MRPL22: variants seen among roughly 807,000 people sequenced by gnomAD.
MRPL22 encodes large ribosomal subunit protein uL22m.
Under a neutral mutation model 32.4 loss-of-function variants are expected in MRPL22, and 27 were observed. That is an observed-to-expected ratio of 0.83 (90% CI 0.61 to 1.15). MRPL22 has a LOEUF of 1.15. MRPL22 is among the 50% of genes most tolerant of loss of function. MRPL22 has a pLI of 0.00. For synonymous variants in MRPL22, 86 were observed against 87.3 expected (o/e 0.99, Z 0.08); for missense variants, 239 against 260.2 (o/e 0.92, Z 0.56).
intron 2 of MRPL22, among the ~76,000 whole-genome samples, chr5:154,945,932 A>T (rs567522908): frequency 1.1e-4 from 16 of 152,344 alleles, no homozygotes; most frequent in Non-Finnish European, 2.1e-4. Context: ...CTAAATTAAG[A>T]ACCCCATTTG....
intron 2 of MRPL22, among the ~76,000 whole-genome samples, chr5:154,946,177 GA>G (rs1764488367): frequency 6.6e-6 from 1 of 152,166 alleles, no homozygotes; most frequent in South Asian, 2.1e-4. Context: ...CCTGACTCAA[GA>G]AATCTTTCAG....
chr5:154,947,660 T>G (rs1374738313), intron 2 of MRPL22, among the ~76,000 whole-genome samples: 5 of 152,234 alleles, frequency 3.3e-5, no homozygotes, highest in African/African-American at 4.8e-5. Flanking sequence ...GTACCAGACA[T>G]TGTTCTTGGT....
rs1413496682 is a variant in MRPL22 at position 154,966,902 on chromosome 5, G to A, written c.*5G>A. On this transcript the variant is annotated 3_prime_UTR_variant, in exon 7 of 7. Coordinates refer to ENST00000523037, the MANE Select transcript of MRPL22 (RefSeq NM_014180.4). ...ACCATCGTTCACACTCTATGATGAG[G>A]AGATTCAGACTCCACAGTGTATATA... 4.4e-6 allele frequency: 7 copies of A among 1,607,606 alleles called. No individual in the cohort carries two copies. Among genetic ancestry groups the A allele is most frequent in the Non-Finnish European group, 5.9e-6 (7 of 1,176,542 alleles).
At chr5:154,954,917 G>A (rs1764611930) in intron 3 of MRPL22, among the ~76,000 whole-genome samples, 2 of 151,872 alleles carry the variant, frequency 1.3e-5, no homozygotes, top group Non-Finnish European at 2.9e-5. Context: ...TCAGCCTCCC[G>A]GGTAGCTGGG....
intron 5 of MRPL22, chr5:154,959,045 T>C (rs992011364): frequency 6.6e-6 from 1 of 152,240 alleles, no homozygotes; most frequent in African/African-American, 2.4e-5. Context: ...ATTTTTGTTT[T>C]TTTAGAGGCA....
At chr5:154,943,155 T>C (rs890249478) in intron 2 of MRPL22, among the ~76,000 whole-genome samples, 3 of 152,150 alleles carry the variant, frequency 2.0e-5, no homozygotes, top group African/African-American at 7.2e-5. Flanking sequence ...CCTTTTTTTT[T>C]TGGAGACACG....
intron 3 of MRPL22, among the ~76,000 whole-genome samples, chr5:154,951,984 G>A (rs990986416): frequency 6.0e-5 from 9 of 149,996 alleles, no homozygotes; most frequent in African/African-American, 2.0e-4. Context: ...CCGGGTTCAC[G>A]CCATTCTCCT....
At chr5:154,942,905 G>C (rs1220168132) in intron 2 of MRPL22, among the ~76,000 whole-genome samples, 1 of 152,172 alleles carries the variant, frequency 6.6e-6, no homozygotes, top group Non-Finnish European at 1.5e-5. Context: ...AGAAACTTAA[G>C]CAGTTTGCCT....
At chr5:154,947,470 G>A (rs527551484) in intron 2 of MRPL22, among the ~76,000 whole-genome samples, 1 of 152,190 alleles carries the variant, frequency 6.6e-6, no homozygotes, top group South Asian at 2.1e-4. Context: ...GTGAACTTGG[G>A]GTAAAAATGA....
At chr5:154,941,179 G>A (rs759022074) in intron 1 of MRPL22, 38 bp from the exon 2 acceptor site, 2 of 1,614,158 alleles carry the variant, frequency 1.2e-6, no homozygotes, top group Non-Finnish European at 1.7e-6. Flanking sequence ...AGGGAGTCGA[G>A]ATGGAATCTG....
intron 2 of MRPL22, among the ~76,000 whole-genome samples, chr5:154,948,790 G>GA (rs1764524481): frequency 6.6e-6 from 1 of 152,174 alleles, no homozygotes; most frequent in Admixed American, 6.5e-5. Flanking sequence ...GGAAAGACAG[G>GA]ATAAGTCTTG....
At chr5:154,950,746 G>A in intron 2 of MRPL22, 75 bp from the exon 3 acceptor site, 2 of 937,672 alleles carry the variant, frequency 2.1e-6, no homozygotes, top group South Asian at 2.7e-5. Context: ...AGCTGAAGTG[G>A]TTCAAAAGAT....
intron 2 of MRPL22, among the ~76,000 whole-genome samples, chr5:154,947,662 G>T (rs900638166): frequency 2.6e-5 from 4 of 152,192 alleles, no homozygotes; most frequent in African/African-American, 9.7e-5. Flanking sequence ...ACCAGACATT[G>T]TTCTTGGTGC....
chr5:154,952,384 A>G (rs186132537), intron 3 of MRPL22, among the ~76,000 whole-genome samples: 1 of 152,350 alleles, frequency 6.6e-6, no homozygotes, highest in African/African-American at 2.4e-5. Context: ...GAACACTATC[A>G]ATACAGTAAT....
intron 2 of MRPL22, among the ~76,000 whole-genome samples, chr5:154,946,969 T>C (rs1186794672): frequency 6.6e-6 from 1 of 152,182 alleles, no homozygotes; most frequent in Non-Finnish European, 1.5e-5. Context: ...AAGGGCCTAA[T>C]TTAAAAATAA....
chr5:154,946,718 G>A (rs1399203098), intron 2 of MRPL22, among the ~76,000 whole-genome samples: 2 of 152,228 alleles, frequency 1.3e-5, no homozygotes, highest in Non-Finnish European at 2.9e-5. Flanking sequence ...CTACTTGGGA[G>A]GCTGAGGCAG....
intron 6 of MRPL22, among the ~76,000 whole-genome samples, chr5:154,964,302 T>C (rs1764739882): frequency 6.6e-6 from 1 of 152,116 alleles, no homozygotes; most frequent in Non-Finnish European, 1.5e-5. Context: ...AATGGCAGAG[T>C]TTTGGGTCTT....
At chr5:154,945,768 C>A (rs1414025535) in intron 2 of MRPL22, among the ~76,000 whole-genome samples, 1 of 152,174 alleles carries the variant, frequency 6.6e-6, no homozygotes, top group African/African-American at 2.4e-5. Flanking sequence ...ACCAGAGATA[C>A]TTAGGTCACT....
chr5:154,942,221 C>T (rs1582685939), intron 2 of MRPL22, among the ~76,000 whole-genome samples: 2 of 152,318 alleles, frequency 1.3e-5, no homozygotes, highest in Middle Eastern at 6.8e-3. Context: ...ACTGGGATTA[C>T]AGGCACATGC....
Sources: allele counts gnomAD v4.1 joint callset (sites outside exome capture counted in the v4.1 genomes callset), GRCh38; gene constraint gnomAD v4.1.1; transcripts MANE v1.5; gene names NCBI Gene and HGNC (gene_info 2026-07-23, HGNC 2026-07-21).